Variants in ACBD6 observed in about 807,000 individuals in gnomAD.
ACBD6 encodes the protein acyl-CoA binding domain containing 6, also known as acyl-CoA-binding domain-containing protein 6.
A neutral mutation model predicts 37.2 loss-of-function variants in ACBD6; 28 were observed. The observed-to-expected ratio is 0.75, with a 90% CI of 0.56 to 1.03. The LOEUF (loss-of-function observed/expected upper bound fraction) is 1.03. Ranked by LOEUF, ACBD6 falls within the 50% of genes least tolerant of loss-of-function variation. The pLI, the probability that ACBD6 is intolerant of heterozygous loss-of-function variation, is 0.00. For synonymous variants in ACBD6, 113 were observed against 126.8 expected (o/e 0.89, Z 0.73); for missense variants, 340 against 337.4 (o/e 1.01, Z -0.06).
chr1:180,418,488 AG>A lies in ACBD6; in HGVS notation c.468-5018del, dbSNP rs1350194645. Reference sequence around the variant, plus strand: ...TACCTATTTGGGAAGCTAAGGTGATAGGATCAATTAAGCACAGGAGTTTGAG... The same window carrying A: ...TACCTATTTGGGAAGCTAAGGTGATAGATCAATTAAGCACAGGAGTTTGAG... On this transcript the variant is annotated intron_variant, in intron 4 of 7. Coordinates refer to ENST00000367595, the MANE Select transcript of ACBD6 (RefSeq NM_032360.4). Among the ~76,000 whole-genome samples the A allele has an allele frequency of 2.1e-4, 32 of 152,228 alleles. No individual in the cohort carries two copies. In the Middle Eastern group the frequency reaches 0.02, roughly 97 times the overall value.
At chr1:180,305,904 G>C (rs572260383) in intron 7 of ACBD6, among the ~76,000 whole-genome samples, 92 of 152,154 alleles carry the variant, frequency 6.0e-4, no homozygotes, top group African/African-American at 2.2e-3. Flanking sequence ...ATACACCATG[G>C]AATACTATGC....
intron 3 of ACBD6, among the ~76,000 whole-genome samples, chr1:180,434,535 T>C (rs1278822262): frequency 6.6e-6 from 1 of 152,198 alleles, no homozygotes; most frequent in Non-Finnish European, 1.5e-5. Context: ...CCTATGAGAC[T>C]TCATCTATAT....
chr1:180,328,310 T>C (rs142302424), intron 6 of ACBD6, among the ~76,000 whole-genome samples: 101 of 151,692 alleles, frequency 6.7e-4, no homozygotes, highest in African/African-American at 2.1e-3. Flanking sequence ...CACACACACA[T>C]ACATACACAC....
chr1:180,342,159 C>T (rs1265324800), intron 6 of ACBD6, among the ~76,000 whole-genome samples: 2 of 152,052 alleles, frequency 1.3e-5, no homozygotes, highest in Non-Finnish European at 2.9e-5. Flanking sequence ...AGGACATGAA[C>T]ATAAGAACCA....
At chr1:180,327,495 T>G (rs1056207247) in intron 6 of ACBD6, among the ~76,000 whole-genome samples, 1 of 152,240 alleles carries the variant, frequency 6.6e-6, no homozygotes, top group African/African-American at 2.4e-5. Context: ...ATTGCTCATC[T>G]GATTTTTGGT....
chr1:180,361,275 C>CTTT (rs34773334), intron 6 of ACBD6, among the ~76,000 whole-genome samples: 10 of 135,672 alleles, frequency 7.4e-5, no homozygotes, highest in Non-Finnish European at 1.2e-4. Context: ...TTTTTTTTTC[C>CTTT]TTTTTTTTTT....
At chr1:180,495,336 G>T in intron 2 of ACBD6, 125 bp downstream of exon 2, 1 of 680,074 alleles carries the variant, frequency 1.5e-6, no homozygotes, top group Non-Finnish European at 2.4e-6. Flanking sequence ...CCTGTCATTA[G>T]TACAATCTAC....
intron 4 of ACBD6, among the ~76,000 whole-genome samples, chr1:180,414,158 T>A (rs1177865604): frequency 2.6e-5 from 4 of 152,232 alleles, no homozygotes; most frequent in African/African-American, 9.6e-5. Flanking sequence ...TTATAACGCA[T>A]GTGCATTTTT....
At chr1:180,344,313 G>A in intron 6 of ACBD6, among the ~76,000 whole-genome samples, 1 of 152,156 alleles carries the variant, frequency 6.6e-6, no homozygotes, top group African/African-American at 2.4e-5. Context: ...CAGCCATAAA[G>A]AGGACTGGGC....
chr1:180,490,350 T>C (rs372665023), intron 3 of ACBD6, among the ~76,000 whole-genome samples: 10 of 152,236 alleles, frequency 6.6e-5, no homozygotes, highest in African/African-American at 2.4e-4. Flanking sequence ...TGAAGACTCA[T>C]GCACATCAGA....
Position 180,314,698 on chromosome 1 carries a change from G to T in ACBD6, c.688C>A (p.His230Asn). The T allele has an allele frequency of 6.5e-7, 1 of 1,528,948 alleles. No homozygotes were observed. The highest frequency in any genetic ancestry group is 9.1e-7 in the Non-Finnish European group (1 of 1,104,962). The allele number at this position is 1,528,948 out of a possible 1,614,324, so 94.7% of individuals were successfully genotyped here. A position where few individuals can be genotyped will look rare whatever the true frequency, so the allele number is the denominator to read the frequency against. Residue 230 changes from histidine to asparagine, a missense_variant, in exon 7 of 8, where the codon CAT becomes AAT. Transcript: ENST00000367595. ...TAATTTAGAAACTTCTTACCATAAT[G>T]TAGAGCTGTTTGGCCTTCATTGTCC... ...CQDNEGQTAL[H>N]YASACEFLDI...
intron 6 of ACBD6, among the ~76,000 whole-genome samples, chr1:180,371,621 T>G (rs898049461): frequency 2.0e-5 from 3 of 152,154 alleles, no homozygotes; most frequent in African/African-American, 4.8e-5. Flanking sequence ...CAAAGTAAGC[T>G]CACCAATTTC....
chr1:180,502,025 C>A lies in ACBD6; in HGVS notation c.222+20G>T. On this transcript the variant is annotated intron_variant, in intron 1 of 7. Transcript: ENST00000367595. Reference sequence around the variant, plus strand: ...GCTCCGTGTCTTTCTCCCCCATCCACCCTCTCCCTGCTACTTTACCTGTTT... The same window carrying A: ...GCTCCGTGTCTTTCTCCCCCATCCAACCTCTCCCTGCTACTTTACCTGTTT... 2 of 1,611,888 alleles carry A rather than the reference C, an allele frequency of 1.2e-6. No individual in the cohort carries two copies. Among genetic ancestry groups the A allele is most frequent in the South Asian group, 2.2e-5 (2 of 90,544 alleles).
At chr1:180,472,394 T>A (rs1365830823) in intron 3 of ACBD6, among the ~76,000 whole-genome samples, 2 of 152,190 alleles carry the variant, frequency 1.3e-5, no homozygotes, top group African/African-American at 4.8e-5. Flanking sequence ...GTAGCTGAAG[T>A]ACTTCATCAG....
At chr1:180,328,364 A>G (rs1256556835) in intron 6 of ACBD6, among the ~76,000 whole-genome samples, 2 of 151,886 alleles carry the variant, frequency 1.3e-5, no homozygotes, top group African/African-American at 2.4e-5. Context: ...ATATACAGGC[A>G]ATGTATATAT....
At chr1:180,298,441 A>G (rs917648270) in intron 7 of ACBD6, among the ~76,000 whole-genome samples, 2 of 152,312 alleles carry the variant, frequency 1.3e-5, no homozygotes, top group East Asian at 3.9e-4. Context: ...GATGTGTGCT[A>G]TGGCTGAAGA....
At chr1:180,490,704 G>T (rs112502725) in intron 3 of ACBD6, among the ~76,000 whole-genome samples, 15,838 of 150,964 alleles carry the variant, frequency 0.1, 1,198 homozygotes, top group African/African-American at 0.2. Flanking sequence ...GAGAATGGCG[G>T]GAACCCAGGA....
intron 6 of ACBD6, among the ~76,000 whole-genome samples, chr1:180,347,248 C>T (rs74132465): frequency 0.063 from 9,591 of 151,132 alleles, 919 homozygotes; most frequent in African/African-American, 0.21. Context: ...GAACGAAAGA[C>T]GAAATATCTG....
chr1:180,483,144 T>C (rs1433471552), intron 3 of ACBD6, among the ~76,000 whole-genome samples: 3 of 152,318 alleles, frequency 2.0e-5, no homozygotes, highest in Non-Finnish European at 4.4e-5. Flanking sequence ...TCAGTCCTTA[T>C]TGCAGTTTCT....
Sources: gnomAD v4.1 joint callset for allele counts (sites outside exome capture counted in the v4.1 genomes callset) on GRCh38, gnomAD v4.1.1 for gene constraint, MANE v1.5 for transcripts, NCBI Gene and HGNC (gene_info 2026-07-23, HGNC 2026-07-21) for gene names.